ZNF546: variants seen among roughly 807,000 people sequenced by gnomAD.
ZNF546 encodes the protein CTC-471F3.6.
In ZNF546, 60 loss-of-function variants were observed where a neutral mutation model predicts 76.2. The observed-to-expected ratio is 0.79, with a 90% CI of 0.64 to 0.98. ZNF546 has a LOEUF of 0.98. ZNF546 is among the 50% of genes least tolerant of loss of function. ZNF546 has a pLI of 0.00. For synonymous variants in ZNF546, 277 were observed against 328.1 expected (o/e 0.84, Z 1.68); for missense variants, 936 against 1,035.6 (o/e 0.90, Z 1.32).
rs895250445 is a variant in ZNF546 at position 40,013,593 on chromosome 19, C to T, written c.395-72C>T. ...CTACTATGAGGTACAACCCCCATCC[C>T]TGCCCCAACACAGAAAAATAGCATT... On this transcript the variant is annotated intron_variant, in intron 6 of 6. Transcript: ENST00000347077. 1.9e-5 allele frequency: 25 copies of T among 1,284,538 alleles called. No individual in the cohort carries two copies. In the East Asian group the frequency reaches 2.3e-4, roughly 12 times the overall value. 79.6% of individuals were successfully genotyped at this position (1,284,538 alleles called of 1,614,324 possible).
At chr19:40,013,578 G>C in intron 6 of ZNF546, 87 bp from the exon 7 acceptor site, 2 of 1,093,400 alleles carry the variant, frequency 1.8e-6, no homozygotes, top group Non-Finnish European at 2.5e-6. Context: ...CTACTATGAG[G>C]TACAACCCCC....
chr19:39,998,615 T>TG (rs1427538467), intron 3 of ZNF546: 4 of 533,748 alleles, frequency 7.5e-6, no homozygotes, highest in Non-Finnish European at 1.3e-5. Flanking sequence ...AGTGGGAATG[T>TG]GATTGGAAGT....
rs776557109 is a variant in ZNF546, at chr19:40,020,158, TAAA to T, written c.*4380_*4382del. The stretch of plus-strand genomic sequence containing the variant: ...ATACAGTTGAAATTCAATTCTTCCT[TAAA>T]AATAATTGTAACTCATTTCTTTAAG... On this transcript the variant is annotated 3_prime_UTR_variant, in exon 7 of 7. Transcript: ENST00000347077. 4.6e-5 allele frequency: 7 copies of T among 152,172 alleles called. No homozygotes were observed. Among genetic ancestry groups the T allele is most frequent in the African/African-American group, 7.2e-5 (3 of 41,446 alleles). The allele number at this position is 152,172 out of a possible 1,614,324, so 9.4% of individuals were successfully genotyped here.
chr19:40,000,160 A>G (rs559741310), intron 3 of ZNF546, among the ~76,000 whole-genome samples: 1 of 152,232 alleles, frequency 6.6e-6, no homozygotes, highest in Non-Finnish European at 1.5e-5. Flanking sequence ...CCAATCAAGG[A>G]TAATTAATAT....
At position 40,015,319 on chromosome 19, in the gene ZNF546, TCA is replaced by T. The variant is rs1971747164; in HGVS notation, c.2052_2053del (p.His684GlnfsTer6). The T allele has an allele frequency of 1.2e-6, 2 of 1,614,090 alleles. No homozygotes were observed. The highest frequency in any genetic ancestry group is 1.7e-6 in the Non-Finnish European group (2 of 1,179,998). On this transcript the variant is annotated frameshift_variant, in exon 7 of 7. Transcript: ENST00000347077. LOFTEE classifies it high-confidence loss of function. ...FSRHYHLTQH[H>X]RGHTGEKPYI... ...GTCGGCACTATCATCTTACTCAACA[TCA>T]CAGAGGCCATACTGGTGAGAAGCCC...
chr19:40,012,189 A>T (rs1466416453), intron 6 of ZNF546, among the ~76,000 whole-genome samples: 1 of 152,230 alleles, frequency 6.6e-6, no homozygotes, highest in Non-Finnish European at 1.5e-5. Flanking sequence ...AGACAAAGAG[A>T]AGGAACAGTA....
chr19:40,012,827 T>C (rs1971689362), intron 6 of ZNF546, among the ~76,000 whole-genome samples: 1 of 151,978 alleles, frequency 6.6e-6, no homozygotes, highest in African/African-American at 2.4e-5. Context: ...TTTTTTTTTT[T>C]TTTTGAGACA....
chr19:40,009,975 TG>T (rs1971652110), intron 6 of ZNF546, among the ~76,000 whole-genome samples: 1 of 151,876 alleles, frequency 6.6e-6, no homozygotes, highest in African/African-American at 2.4e-5. Flanking sequence ...ATAAAGCTAC[TG>T]GAAACTTTCA....
chr19:40,005,494 A>T (rs576237726), intron 3 of ZNF546, among the ~76,000 whole-genome samples: 2 of 152,212 alleles, frequency 1.3e-5, no homozygotes, highest in East Asian at 3.9e-4. Flanking sequence ...CATATTATTA[A>T]TCTTTTAAGT....
chr19:40,019,415 AT>A lies in ZNF546; in HGVS notation c.*3636del, dbSNP rs1213678392. ...TCAATATAAGAAAGAAGGGAGGATCATTAAAAGGAGTTAATGAATTTGAAAA... is the reference window on the plus strand; with the variant it reads ...TCAATATAAGAAAGAAGGGAGGATCATAAAAGGAGTTAATGAATTTGAAAA... On this transcript the variant is annotated 3_prime_UTR_variant, in exon 7 of 7. Coordinates refer to ENST00000347077, the MANE Select transcript of ZNF546 (RefSeq NM_178544.5). 1 of 152,244 alleles carries A rather than the reference AT, an allele frequency of 6.6e-6. No homozygotes were observed. Among genetic ancestry groups the A allele is most frequent in the Non-Finnish European group, 1.5e-5 (1 of 68,038 alleles). 9.4% of individuals were successfully genotyped at this position (152,244 alleles called of 1,614,324 possible).
At chr19:39,999,483 T>C (rs1465762817) in intron 3 of ZNF546, 1 of 152,222 alleles carries the variant, frequency 6.6e-6, no homozygotes, top group Non-Finnish European at 1.5e-5. Context: ...ATAAATTATT[T>C]AGTTACTCAT....
rs575704004 is a variant in ZNF546 at position 40,004,821 on chromosome 19, T to G, written c.85-1275T>G. ...ATATCTTGGATATTTCCCAAATCCT[T>G]TAAATATTTTCTCCAATTTAGTATA... On this transcript the variant is annotated intron_variant, in intron 3 of 6. Transcript: ENST00000347077. Among the ~76,000 whole-genome samples the G allele has an allele frequency of 2.6e-4, 39 of 152,206 alleles. No individual in the cohort carries two copies. In the South Asian group the frequency reaches 7.5e-3, roughly 29 times the overall value.
intron 3 of ZNF546, 142 bp from the exon 4 acceptor site, chr19:40,005,954 T>C (rs1971596850): frequency 1.4e-6 from 1 of 734,976 alleles, no homozygotes; most frequent in East Asian, 2.8e-5. Flanking sequence ...AGCCTTGATA[T>C]TGAGATATCT....
rs780120436 is a variant in ZNF546 at position 40,013,922 on chromosome 19, G to T, written c.652G>T (p.Glu218Ter). ...AATTCATGCTAGAGAGAAATCATATGAATGTAAGGAATGTAGAAAGGCCTT... is the reference window on the plus strand; with the variant it reads ...AATTCATGCTAGAGAGAAATCATATTAATGTAAGGAATGTAGAAAGGCCTT... Reference protein sequence around the residue: ...PKIHAREKSYECKECRKAFRQ... With the variant: ...PKIHAREKSY Residue 218 changes from glutamate (E) to a stop codon, truncating the protein, a stop_gained, in exon 7 of 7, where the codon GAA becomes TAA. Coordinates refer to ENST00000347077, the MANE Select transcript of ZNF546 (RefSeq NM_178544.5). LOFTEE classifies it high-confidence loss of function. The T allele has an allele frequency of 1.1e-5, 17 of 1,607,850 alleles. No homozygotes were observed. The African/African-American group carries it at 2.3e-4, about 22-fold the overall frequency.
intron 3 of ZNF546, 120 bp downstream of exon 3, chr19:39,998,530 A>G (rs1971485454): frequency 1.2e-6 from 1 of 856,250 alleles, no homozygotes. Context: ...GTTTTAAAAT[A>G]TGACAGGATT....
intron 6 of ZNF546, among the ~76,000 whole-genome samples, chr19:40,010,881 C>T (rs1021048822): frequency 2.0e-5 from 3 of 151,116 alleles, no homozygotes; most frequent in African/African-American, 7.3e-5. Flanking sequence ...TGGGGTTTCA[C>T]CACATTGGCC....
intron 6 of ZNF546, among the ~76,000 whole-genome samples, chr19:40,013,004 G>C (rs977913310): frequency 1.3e-5 from 2 of 151,928 alleles, no homozygotes; most frequent in Non-Finnish European, 2.9e-5. Flanking sequence ...TAGTAGAGAC[G>C]GGGTTTCACC....
At position 40,012,580 on chromosome 19, in the gene ZNF546, C is replaced by T. The variant is rs73930685; in HGVS notation, c.395-1085C>T. ...TGTTTGGGTTTTATTCTAGGGGGAA[C>T]GAGAAACTCTATTCTAAAGGGAAAA... is the stretch of plus-strand genomic sequence containing the variant. On this transcript the variant is annotated intron_variant, in intron 6 of 6. Transcript: ENST00000347077. 5.6e-3 allele frequency among the ~76,000 whole-genome samples: 858 copies of T among 152,000 alleles called. 11 individuals are homozygous for T. The highest frequency in any genetic ancestry group is 0.019 in the African/African-American group (804 of 41,446).
intron 3 of ZNF546, among the ~76,000 whole-genome samples, chr19:40,005,754 C>T (rs940345589): frequency 6.6e-6 from 1 of 151,982 alleles, no homozygotes; most frequent in Non-Finnish European, 1.5e-5. Context: ...ACAGCTCTGC[C>T]TCTTACTAAC....
Sources: gnomAD v4.1 joint callset for allele counts (sites outside exome capture counted in the v4.1 genomes callset) on GRCh38, gnomAD v4.1.1 for gene constraint, MANE v1.5 for transcripts, NCBI Gene and HGNC (gene_info 2026-07-23, HGNC 2026-07-21) for gene names.